The following SPIDR variants were observed in gnomAD, a reference collection of about 807,000 sequenced individuals.
SPIDR encodes the protein scaffold protein involved in DNA repair.
In SPIDR, 93 loss-of-function variants were observed where a neutral mutation model predicts 104.6. The observed-to-expected ratio is 0.89, with a 90% CI of 0.75 to 1.06. The LOEUF (loss-of-function observed/expected upper bound fraction) is 1.06. Among genes scored for constraint, SPIDR ranks in the 50% least tolerant of loss-of-function variants. SPIDR has a pLI of 0.00. For missense variants in SPIDR, 1,154 were observed against 1,111.2 expected (o/e 1.04, Z -0.55); for synonymous variants, 431 against 416.9 (o/e 1.03, Z -0.41).
chr8:47,588,034 TA>T (rs1213795985), intron 8 of SPIDR, among the ~76,000 whole-genome samples: 1 of 10,080 alleles, frequency 9.9e-5, no homozygotes, highest in Non-Finnish European at 2.1e-4. Flanking sequence ...AGCATATATA[TA>T]TATATATATA....
At chr8:47,695,496 C>T (rs1589268522) in intron 11 of SPIDR, among the ~76,000 whole-genome samples, 1 of 152,172 alleles carries the variant, frequency 6.6e-6, no homozygotes, top group Admixed American at 6.5e-5. Flanking sequence ...TCTCCTAGAG[C>T]AAATTCCACT....
chr8:47,504,948 A>G (rs553588276), intron 8 of SPIDR, among the ~76,000 whole-genome samples: 1 of 152,112 alleles, frequency 6.6e-6, no homozygotes, highest in South Asian at 2.1e-4. Flanking sequence ...AGAGTGGCTG[A>G]TATTGGTGAA....
intron 5 of SPIDR, among the ~76,000 whole-genome samples, chr8:47,384,419 A>G (rs1341940193): frequency 1.3e-5 from 2 of 152,234 alleles, no homozygotes; most frequent in African/African-American, 4.8e-5. Flanking sequence ...AGTTGGAAAT[A>G]TTATTAGAAA....
chr8:47,654,933 G>A (rs2072451596), intron 10 of SPIDR, among the ~76,000 whole-genome samples: 1 of 150,958 alleles, frequency 6.6e-6, no homozygotes, highest in Admixed American at 6.6e-5. Flanking sequence ...GTGTCCACGT[G>A]TTCTCATTGT....
intron 7 of SPIDR, among the ~76,000 whole-genome samples, chr8:47,416,326 G>A (rs543028773): frequency 1.2e-4 from 19 of 152,080 alleles, no homozygotes; most frequent in Non-Finnish European, 2.5e-4. Context: ...TTAATTCCCC[G>A]GAGATTTATC....
At chr8:47,578,564 C>T (rs2059381422) in intron 8 of SPIDR, among the ~76,000 whole-genome samples, 1 of 152,184 alleles carries the variant, frequency 6.6e-6, no homozygotes, top group African/African-American at 2.4e-5. Flanking sequence ...CGCTATGCTA[C>T]TACTGACCTA....
At chr8:47,301,242 T>G (rs1182220379) in intron 5 of SPIDR, among the ~76,000 whole-genome samples, 2 of 152,236 alleles carry the variant, frequency 1.3e-5, no homozygotes, top group Non-Finnish European at 2.9e-5. Context: ...GCTTAAAGTC[T>G]GTTTTATCAG....
chr8:47,299,703 G>C (rs1310047606), intron 5 of SPIDR, among the ~76,000 whole-genome samples: 1 of 152,162 alleles, frequency 6.6e-6, no homozygotes, highest in African/African-American at 2.4e-5. Context: ...CATCTATTGA[G>C]ATAATTATGT....
intron 8 of SPIDR, among the ~76,000 whole-genome samples, chr8:47,529,433 T>TA (rs962665816): frequency 3.3e-5 from 5 of 151,534 alleles, no homozygotes; most frequent in African/African-American, 1.2e-4. Flanking sequence ...ATAAATAAAA[T>TA]AAAAAATAAA....
At chr8:47,266,942 T>C (rs2034206632) in intron 1 of SPIDR, among the ~76,000 whole-genome samples, 1 of 152,190 alleles carries the variant, frequency 6.6e-6, no homozygotes, top group Non-Finnish European at 1.5e-5. Context: ...CTACTTTCGG[T>C]GTGTATGGAT....
At chr8:47,350,449 G>A (rs2053260437) in intron 5 of SPIDR, among the ~76,000 whole-genome samples, 1 of 152,156 alleles carries the variant, frequency 6.6e-6, no homozygotes. Context: ...ACTTAGCTGG[G>A]ATTACAGGCG....
chr8:47,511,823 C>T, intron 8 of SPIDR: 1 of 928,932 alleles, frequency 1.1e-6, no homozygotes, highest in Non-Finnish European at 1.8e-6. Context: ...CTGGGAGGGC[C>T]AACAATCTGC....
chr8:47,534,118 C>G (rs527416248), intron 8 of SPIDR, among the ~76,000 whole-genome samples: 91 of 152,340 alleles, frequency 6.0e-4, no homozygotes, highest in African/African-American at 2.1e-3. Context: ...CACTCATTCT[C>G]TCTCCTGCTG....
chr8:47,673,612 C>T (rs10102782), intron 10 of SPIDR, 189 bp from the exon 11 acceptor site: 3 of 710,256 alleles, frequency 4.2e-6, no homozygotes, highest in African/African-American at 3.6e-5. Flanking sequence ...TCCTGACTCA[C>T]CCATTTAGGA....
chr8:47,419,478 T>C (rs1356302520), intron 7 of SPIDR, among the ~76,000 whole-genome samples: 1 of 152,210 alleles, frequency 6.6e-6, no homozygotes, highest in Non-Finnish European at 1.5e-5. Flanking sequence ...CCTTTATCAA[T>C]TTTTATTGCG....
chr8:47,491,885 C>G (rs568136024), intron 8 of SPIDR, among the ~76,000 whole-genome samples: 1 of 152,172 alleles, frequency 6.6e-6, no homozygotes, highest in East Asian at 1.9e-4. Context: ...CAATATTGAA[C>G]CTTTTGTTTT....
intron 7 of SPIDR, among the ~76,000 whole-genome samples, chr8:47,424,296 G>T (rs1401359465): frequency 1.3e-5 from 2 of 152,146 alleles, no homozygotes; most frequent in Non-Finnish European, 2.9e-5. Flanking sequence ...AAAACTAAAA[G>T]TAGTTACAAA....
At position 47,440,347 on chromosome 8, in the gene SPIDR, T is replaced by C. The variant is rs782545778; in HGVS notation, c.902T>C (p.Val301Ala). Reference protein sequence around the residue: ...LSGRKSGVLTVKILELHEECA... With the variant: ...LSGRKSGVLTAKILELHEECA... ...GGTAGAAAATCTGGTGTATTAACTG[T>C]GAAAATTTTAGAGCTGCATGAGGAA... Residue 301 changes from valine to alanine, a missense_variant, in exon 8 of 20, where the codon GTG becomes GCG. Transcript: ENST00000297423. 3 of 1,614,222 alleles carry C rather than the reference T, an allele frequency of 1.9e-6. No homozygotes were observed. In the South Asian group the frequency reaches 3.3e-5, roughly 18 times the overall value.
chr8:47,272,258 C>T (rs1228914111), intron 1 of SPIDR, among the ~76,000 whole-genome samples: 3 of 151,768 alleles, frequency 2.0e-5, no homozygotes, highest in Non-Finnish European at 4.4e-5. Context: ...TGAGCCACGT[C>T]GCCTGGCCTA....
Sources: gnomAD v4.1 joint callset for allele counts (sites outside exome capture counted in the v4.1 genomes callset) on GRCh38, gnomAD v4.1.1 for gene constraint, MANE v1.5 for transcripts, NCBI Gene and HGNC (gene_info 2026-07-23, HGNC 2026-07-21) for gene names.